ASAP1: variants seen among roughly 807,000 people sequenced by gnomAD.
ASAP1 encodes arf-GAP with SH3 domain, ANK repeat and PH domain-containing protein 1.
Under a neutral mutation model 145.2 loss-of-function variants are expected in ASAP1, and 43 were observed. The ratio of observed to expected loss-of-function variants is 0.30; its 90% CI spans 0.23 to 0.38. The LOEUF (loss-of-function observed/expected upper bound fraction) is 0.38, where lower values mean the gene tolerates loss of function less well. ASAP1 is among the 10% of genes least tolerant of loss of function. The pLI, the probability that ASAP1 is intolerant of heterozygous loss-of-function variation, is 1.00. For missense variants in ASAP1, 1,018 were observed against 1,355.3 expected, an observed-to-expected ratio of 0.75 and a Z score of 3.91; for synonymous variants, 546 against 515.5, an observed-to-expected ratio of 1.06 and a Z score of -0.80.
intron 4 of ASAP1, among the ~76,000 whole-genome samples, chr8:130,235,494 G>C (rs1818161226): frequency 6.6e-6 from 1 of 152,062 alleles, no homozygotes. Flanking sequence ...TCCCCAAAGA[G>C]CTAGTATCAA....
At chr8:130,227,300 T>G (rs900356648) in intron 4 of ASAP1, among the ~76,000 whole-genome samples, 1 of 152,162 alleles carries the variant, frequency 6.6e-6, no homozygotes, top group African/African-American at 2.4e-5. Flanking sequence ...TTGCGCAGGT[T>G]GGAGCACACT....
intron 1 of ASAP1, among the ~76,000 whole-genome samples, chr8:130,416,177 A>G (rs1829466813): frequency 6.6e-6 from 1 of 152,058 alleles, no homozygotes; most frequent in Non-Finnish European, 1.5e-5. Flanking sequence ...CCGCCCCACT[A>G]GTGTCGCCAA....
chr8:130,351,014 G>A (rs957858903), intron 3 of ASAP1, among the ~76,000 whole-genome samples: 4 of 152,238 alleles, frequency 2.6e-5, no homozygotes, highest in Non-Finnish European at 5.9e-5. Context: ...TTGCAGCACT[G>A]TCTTTGATCA....
intron 17 of ASAP1, among the ~76,000 whole-genome samples, chr8:130,125,514 G>T (rs1237454943): frequency 6.6e-6 from 1 of 152,032 alleles, no homozygotes; most frequent in Admixed American, 6.6e-5. Flanking sequence ...TATGACAATA[G>T]TTAACAAGCC....
intron 6 of ASAP1, among the ~76,000 whole-genome samples, chr8:130,187,516 AT>A (rs1428983186): frequency 6.6e-6 from 1 of 151,874 alleles, no homozygotes; most frequent in Non-Finnish European, 1.5e-5. Context: ...CCCAGGCTCA[AT>A]TGATCTTCCC....
At chr8:130,241,596 T>C (rs903317390) in intron 3 of ASAP1, among the ~76,000 whole-genome samples, 3 of 152,066 alleles carry the variant, frequency 2.0e-5, no homozygotes, top group Non-Finnish European at 4.4e-5. Flanking sequence ...GTTGACAAAA[T>C]AGTTCTAGAT....
chr8:130,243,417 A>G (rs1349899578), intron 3 of ASAP1, among the ~76,000 whole-genome samples: 1 of 152,202 alleles, frequency 6.6e-6, no homozygotes, highest in African/African-American at 2.4e-5. Context: ...ATTCACTGAC[A>G]TGAATGAAAG....
intron 3 of ASAP1, 142 bp downstream of exon 3, chr8:130,357,871 GAAGT>G (rs1826430301): frequency 8.8e-7 from 1 of 1,132,228 alleles, no homozygotes; most frequent in Admixed American, 2.5e-5. Flanking sequence ...CCGCCCGTCC[GAAGT>G]CCCTTATTCA....
intron 17 of ASAP1, 55 bp from the exon 18 acceptor site, chr8:130,124,159 A>G: frequency 8.3e-7 from 1 of 1,203,670 alleles, no homozygotes; most frequent in South Asian, 1.3e-5. Context: ...CTACTAGTTA[A>G]AAGTCTCCTA....
In ASAP1 at chr8:130,214,733, G is replaced by C. The variant is rs910846366; in HGVS notation, c.260-32C>G. The C allele has an allele frequency of 2.0e-6, 3 of 1,532,522 alleles. No homozygotes were observed. The African/African-American group carries it at 4.2e-5, about 21-fold the overall frequency. The allele number at this position is 1,532,522 out of a possible 1,614,324, so 94.9% of individuals were successfully genotyped here. ...ACAAAAAAGAAGAAGAAAGGAGTCT[G>C]AACTATTATTTGCCACAATGAAAAG... is the stretch of plus-strand genomic sequence containing the variant. On this transcript the variant is annotated intron_variant, in intron 4 of 29. Transcript: ENST00000518721.
intron 15 of ASAP1, among the ~76,000 whole-genome samples, chr8:130,129,654 CAA>C (rs2097580241): frequency 6.6e-6 from 1 of 152,010 alleles, no homozygotes; most frequent in African/African-American, 2.4e-5. Context: ...AAGCACTATA[CAA>C]AAGACTTTGA....
chr8:130,428,677 T>C (rs1312857779), intron 1 of ASAP1, among the ~76,000 whole-genome samples: 4 of 145,240 alleles, frequency 2.8e-5, no homozygotes, highest in African/African-American at 1.0e-4. Context: ...ACCATCATCA[T>C]CACCATCAGA....
chr8:130,414,879 C>G (rs1193820102), intron 1 of ASAP1, among the ~76,000 whole-genome samples: 3 of 151,942 alleles, frequency 2.0e-5, no homozygotes, highest in African/African-American at 7.3e-5. Flanking sequence ...GCCTCAGCGT[C>G]CTAAGTAGCC....
intron 3 of ASAP1, among the ~76,000 whole-genome samples, chr8:130,342,012 C>T (rs1488793442): frequency 5.9e-5 from 9 of 152,118 alleles, no homozygotes; most frequent in Admixed American, 5.9e-4. Context: ...TGCTGTAATG[C>T]CTCATCAGGC....
At chr8:130,080,100 C>T (rs770383193) in intron 25 of ASAP1, 129 bp from the exon 26 acceptor site, 9 of 785,202 alleles carry the variant, frequency 1.1e-5, no homozygotes, top group South Asian at 4.8e-5. Flanking sequence ...CAAGCCAAAA[C>T]GGCATGCATT....
intron 2 of ASAP1, among the ~76,000 whole-genome samples, chr8:130,387,282 T>TCCC (rs1828062158): frequency 6.6e-6 from 1 of 152,152 alleles, no homozygotes; most frequent in Non-Finnish European, 1.5e-5. Flanking sequence ...ACACCTGTAA[T>TCCC]CCCGGCATTT....
At chr8:130,384,318 C>G (rs1335872949) in intron 2 of ASAP1, among the ~76,000 whole-genome samples, 1 of 152,202 alleles carries the variant, frequency 6.6e-6, no homozygotes, top group African/African-American at 2.4e-5. Context: ...GATGCAACAT[C>G]AAAGCTGTCA....
At chr8:130,423,501 C>G (rs142660570) in intron 1 of ASAP1, among the ~76,000 whole-genome samples, 1 of 152,064 alleles carries the variant, frequency 6.6e-6, no homozygotes, top group East Asian at 1.9e-4. Flanking sequence ...AGTATTTGGA[C>G]AAGTATGTAC....
At chr8:130,356,367 A>C (rs1392571259) in intron 3 of ASAP1, among the ~76,000 whole-genome samples, 1 of 152,200 alleles carries the variant, frequency 6.6e-6, no homozygotes, top group Admixed American at 6.5e-5. Context: ...TCAATGTCAC[A>C]TCCTTAGAAG....
Sources: gnomAD v4.1 joint callset for allele counts (sites outside exome capture counted in the v4.1 genomes callset) on GRCh38, gnomAD v4.1.1 for gene constraint, MANE v1.5 for transcripts, NCBI Gene and HGNC (gene_info 2026-07-23, HGNC 2026-07-21) for gene names.